Variants in SH2D4B observed in about 807,000 individuals in gnomAD.
The protein encoded by SH2D4B is SH2 domain-containing protein 4B.
SH2D4B carries 45 observed loss-of-function variants against 61.5 expected under a neutral mutation model. The ratio of observed to expected loss-of-function variants is 0.73; its 90% CI spans 0.58 to 0.94. SH2D4B has a LOEUF of 0.94. Ranked by LOEUF, SH2D4B falls within the 40% of genes least tolerant of loss-of-function variation. SH2D4B has a pLI of 0.00. For missense variants in SH2D4B, 572 were observed against 574.2 expected (o/e 1.00, Z 0.04); for synonymous variants, 224 against 220.4 (o/e 1.02, Z -0.14).
In SH2D4B at chr10:80,634,549, G is replaced by A. The variant is rs113413222; in HGVS notation, c.1209+44G>A. ...CTAATGGGGGGGAGGGGGAACTGGTGGAAATTGGAGCTGAAGAGAGAGCTA... is the reference window on the plus strand; with the variant it reads ...CTAATGGGGGGGAGGGGGAACTGGTAGAAATTGGAGCTGAAGAGAGAGCTA... On this transcript the variant is annotated intron_variant, in intron 7 of 7. Transcript: ENST00000646907. The A allele has an allele frequency of 3.6e-3, 5,504 of 1,542,092 alleles. 130 individuals are homozygous for A. The African/African-American group carries it at 0.058, about 16-fold the overall frequency.
At chr10:80,588,831 C>T (rs759438794) in intron 4 of SH2D4B, 54 bp downstream of exon 4, 31 of 1,603,780 alleles carry the variant, frequency 1.9e-5, no homozygotes, top group East Asian at 8.9e-5. Context: ...CCCCACCCAC[C>T]TCCTCCCAAT....
chr10:80,592,018 A>T (rs116469108), intron 4 of SH2D4B, among the ~76,000 whole-genome samples: 1,766 of 152,288 alleles, frequency 0.012, 37 homozygotes, highest in African/African-American at 0.039. Context: ...TGTATGAGGG[A>T]TCTAATTCCT....
chr10:80,575,478 G>A (rs920151916), intron 3 of SH2D4B, among the ~76,000 whole-genome samples: 2 of 151,988 alleles, frequency 1.3e-5, no homozygotes, highest in Non-Finnish European at 2.9e-5. Context: ...AAAGGGATGT[G>A]GGCTGGGCAC....
At chr10:80,560,181 G>T (rs1258229152) in intron 1 of SH2D4B, among the ~76,000 whole-genome samples, 1 of 151,560 alleles carries the variant, frequency 6.6e-6, no homozygotes, top group African/African-American at 2.4e-5. Flanking sequence ...TAGAGACGGG[G>T]TTTCACCATG....
At chr10:80,568,468 C>G (rs1043052270) in intron 1 of SH2D4B, among the ~76,000 whole-genome samples, 1 of 152,084 alleles carries the variant, frequency 6.6e-6, no homozygotes, top group Non-Finnish European at 1.5e-5. Context: ...GGAAGCAGGG[C>G]CTTGGGCAAA....
At chr10:80,562,269 C>A (rs1289388403) in intron 1 of SH2D4B, among the ~76,000 whole-genome samples, 1 of 152,172 alleles carries the variant, frequency 6.6e-6, no homozygotes, top group Admixed American at 6.6e-5. Flanking sequence ...GAATAATACT[C>A]CACTGTGTAC....
intron 4 of SH2D4B, among the ~76,000 whole-genome samples, chr10:80,595,025 T>TA (rs150160752): frequency 2.3e-4 from 34 of 150,460 alleles, no homozygotes; most frequent in African/African-American, 7.3e-4. Context: ...AAACAGCGTC[T>TA]AAAAAAAAAA....
intron 3 of SH2D4B, among the ~76,000 whole-genome samples, chr10:80,588,258 G>A (rs1842282810): frequency 6.6e-6 from 1 of 152,154 alleles, no homozygotes; most frequent in South Asian, 2.1e-4. Context: ...CAGAAACTAG[G>A]GAGGAGTTAG....
At chr10:80,561,654 A>G (rs1447554691) in intron 1 of SH2D4B, among the ~76,000 whole-genome samples, 1 of 152,212 alleles carries the variant, frequency 6.6e-6, no homozygotes, top group Non-Finnish European at 1.5e-5. Flanking sequence ...TTATGGTAAC[A>G]TGTTATGTCA....
chr10:80,602,944 C>T (rs1247569154), intron 4 of SH2D4B, among the ~76,000 whole-genome samples: 1 of 152,174 alleles, frequency 6.6e-6, no homozygotes, highest in African/African-American at 2.4e-5. Context: ...TCTGTCCAGG[C>T]TCTGCTCCTT....
At chr10:80,571,682 T>A in intron 3 of SH2D4B, 104 bp downstream of exon 3, 1 of 1,328,556 alleles carries the variant, frequency 7.5e-7, no homozygotes. Context: ...TGGTTGGTAC[T>A]GGGTGCTTTA....
rs148871349 is a variant in SH2D4B, at chr10:80,564,217, C to T, written c.185-5937C>T. 3.9e-5 allele frequency among the ~76,000 whole-genome samples: 6 copies of T among 152,256 alleles called. No individual in the cohort carries two copies. In the East Asian group the frequency reaches 1.2e-3, roughly 29 times the overall value. On this transcript the variant is annotated intron_variant, in intron 1 of 7. Transcript: ENST00000646907. ...CTTTTTATGTCTTGTAGAACAAATT[C>T]TTCCCTTTCCCAAAGTTATAATGAT...
rs556526209 is a variant in SH2D4B, at chr10:80,622,968, T to A, written c.989-11317T>A. Among the ~76,000 whole-genome samples, 3 of 152,300 alleles carry A rather than the reference T, an allele frequency of 2.0e-5. No homozygotes were observed. In the East Asian group the frequency reaches 5.8e-4, roughly 29 times the overall value. On this transcript the variant is annotated intron_variant, in intron 6 of 7. Transcript: ENST00000646907. ...TCTCACTCTGTCACCCAGGTTGGAG[T>A]GCAGTGGCGTGATCTCAGCTCACTG...
At chr10:80,564,499 A>T (rs897888416) in intron 1 of SH2D4B, among the ~76,000 whole-genome samples, 3 of 152,152 alleles carry the variant, frequency 2.0e-5, no homozygotes. Flanking sequence ...CTCTCTCTCC[A>T]GGTCTCCTTT....
intron 5 of SH2D4B, among the ~76,000 whole-genome samples, chr10:80,604,446 G>A (rs1372678571): frequency 2.0e-5 from 3 of 152,118 alleles, no homozygotes; most frequent in African/African-American, 7.2e-5. Flanking sequence ...CTCCTCTTGG[G>A]TGCCCTCCTT....
intron 3 of SH2D4B, among the ~76,000 whole-genome samples, chr10:80,587,459 A>G (rs1348031816): frequency 6.6e-6 from 1 of 152,064 alleles, no homozygotes; most frequent in Non-Finnish European, 1.5e-5. Context: ...TTGTATTTTT[A>G]GTAGAGACGG....
At chr10:80,640,687 G>A (rs529366878) in intron 7 of SH2D4B, among the ~76,000 whole-genome samples, 3 of 152,086 alleles carry the variant, frequency 2.0e-5, no homozygotes, top group Non-Finnish European at 4.4e-5. Flanking sequence ...TTAGCCATTT[G>A]TCTAATCTTT....
chr10:80,546,373 T>C (rs1841680956), intron 1 of SH2D4B, among the ~76,000 whole-genome samples: 1 of 152,076 alleles, frequency 6.6e-6, no homozygotes, highest in African/African-American at 2.4e-5. Context: ...TTTCTTGTTT[T>C]AGGATTTGAA....
chr10:80,555,781 C>T (rs1841826231), intron 1 of SH2D4B, among the ~76,000 whole-genome samples: 1 of 152,158 alleles, frequency 6.6e-6, no homozygotes, highest in South Asian at 2.1e-4. Flanking sequence ...ATTGGTCACC[C>T]TACCTCTGCT....
Sources: gnomAD v4.1 joint callset for allele counts (sites outside exome capture counted in the v4.1 genomes callset) on GRCh38, gnomAD v4.1.1 for gene constraint, MANE v1.5 for transcripts, NCBI Gene and HGNC (gene_info 2026-07-23, HGNC 2026-07-21) for gene names.